The following FOXN3 variants were observed in gnomAD, a reference collection of about 807,000 sequenced individuals.
FOXN3 encodes forkhead box protein N3.
FOXN3 carries 7 observed loss-of-function variants against 38.4 expected under a neutral mutation model. The ratio of observed to expected loss-of-function variants is 0.18; its 90% CI spans 0.10 to 0.34. FOXN3 has a LOEUF of 0.34. Among genes scored for constraint, FOXN3 ranks in the 10% least tolerant of loss-of-function variants. The pLI, the probability that FOXN3 is intolerant of heterozygous loss-of-function variation, is 1.00. For missense variants in FOXN3, 456 were observed against 613.4 expected, an observed-to-expected ratio of 0.74 and a Z score of 2.71; for synonymous variants, 230 against 242.2, an observed-to-expected ratio of 0.95 and a Z score of 0.47.
At chr14:89,538,351 C>T (rs984086853) in intron 1 of FOXN3, among the ~76,000 whole-genome samples, 2 of 152,144 alleles carry the variant, frequency 1.3e-5, no homozygotes, top group Non-Finnish European at 2.9e-5. Context: ...GATCAAAAAA[C>T]GAAGGCCTCT....
chr14:89,347,831 A>G (rs1048430242), intron 3 of FOXN3, among the ~76,000 whole-genome samples: 3 of 152,160 alleles, frequency 2.0e-5, no homozygotes, highest in Admixed American at 6.5e-5. Context: ...GCCTGCCTGT[A>G]GTCCCAGCTA....
chr14:89,166,215 G>A (rs1421891997), intron 5 of FOXN3, among the ~76,000 whole-genome samples: 1 of 152,160 alleles, frequency 6.6e-6, no homozygotes, highest in Non-Finnish European at 1.5e-5. Flanking sequence ...TATCATAAGA[G>A]GAATGGTTTC....
intron 2 of FOXN3, among the ~76,000 whole-genome samples, chr14:89,377,180 G>C (rs543978605): frequency 6.6e-6 from 1 of 151,640 alleles, no homozygotes; most frequent in South Asian, 2.1e-4. Context: ...GGCCTTGACT[G>C]TCTCAGAAAA....
intron 2 of FOXN3, among the ~76,000 whole-genome samples, chr14:89,405,924 G>T (rs951715394): frequency 8.5e-5 from 13 of 152,124 alleles, no homozygotes; most frequent in Admixed American, 2.6e-4. Flanking sequence ...GCCAAGCATG[G>T]TGGCTCACAA....
intron 1 of FOXN3, among the ~76,000 whole-genome samples, chr14:89,466,450 T>C (rs1892977062): frequency 6.6e-6 from 1 of 152,220 alleles, no homozygotes; most frequent in Non-Finnish European, 1.5e-5. Flanking sequence ...TAAGGCCTCT[T>C]GACTGCTCAG....
At chr14:89,318,966 G>A (rs1042560867) in intron 3 of FOXN3, among the ~76,000 whole-genome samples, 1 of 152,264 alleles carries the variant, frequency 6.6e-6, no homozygotes, top group African/African-American at 2.4e-5. Context: ...ATTGCAGGGA[G>A]TGTGAAGATG....
intron 3 of FOXN3, among the ~76,000 whole-genome samples, chr14:89,325,474 TTTC>T (rs1038793765): frequency 3.3e-5 from 5 of 152,140 alleles, no homozygotes; most frequent in Admixed American, 3.3e-4. Flanking sequence ...ACTGGGGCCC[TTTC>T]TTCTTCTTCC....
chr14:89,409,354 G>T (rs868535908), intron 2 of FOXN3: 4 of 147,590 alleles, frequency 2.7e-5, no homozygotes, highest in African/African-American at 9.9e-5. Context: ...GTGGGGGACG[G>T]GGGGGTCGCA....
At chr14:89,287,492 A>C (rs551545094) in intron 3 of FOXN3, among the ~76,000 whole-genome samples, 1 of 152,172 alleles carries the variant, frequency 6.6e-6, no homozygotes, top group South Asian at 2.1e-4. Flanking sequence ...TTCAGAGTTA[A>C]CTGACACACT....
At chr14:89,529,481 G>T (rs777259243) in intron 1 of FOXN3, among the ~76,000 whole-genome samples, 1 of 152,024 alleles carries the variant, frequency 6.6e-6, no homozygotes, top group African/African-American at 2.4e-5. Flanking sequence ...CTCCCCACTC[G>T]TCTTTTCTTT....
chr14:89,455,338 C>T (rs1276246540), intron 1 of FOXN3, among the ~76,000 whole-genome samples: 1 of 152,236 alleles, frequency 6.6e-6, no homozygotes, highest in Non-Finnish European at 1.5e-5. Flanking sequence ...CAAGGGAAAA[C>T]CGTCAAAGGG....
intron 2 of FOXN3, among the ~76,000 whole-genome samples, chr14:89,411,460 G>A (rs1011312178): frequency 2.6e-5 from 4 of 152,100 alleles, no homozygotes; most frequent in African/African-American, 9.7e-5. Context: ...GTTCATCACT[G>A]TCCACTTATG....
chr14:89,316,632 A>T (rs1168929050), intron 3 of FOXN3, among the ~76,000 whole-genome samples: 4 of 149,614 alleles, frequency 2.7e-5, no homozygotes, highest in African/African-American at 9.9e-5. Flanking sequence ...AAGTGCTGGG[A>T]TTACAGGCAT....
chr14:89,506,177 T>C (rs76922935), intron 1 of FOXN3, among the ~76,000 whole-genome samples: 13 of 30,944 alleles, frequency 4.2e-4, no homozygotes, highest in Non-Finnish European at 1.2e-3. Flanking sequence ...CCCGGCCAGC[T>C]GCCCCGTCCG....
chr14:89,305,330 G>T (rs549356797), intron 3 of FOXN3, among the ~76,000 whole-genome samples: 1 of 152,294 alleles, frequency 6.6e-6, no homozygotes, highest in African/African-American at 2.4e-5. Context: ...CATCTTAAGA[G>T]CCCTTGAGAA....
At chr14:89,540,642 G>A (rs1894774913) in intron 1 of FOXN3, among the ~76,000 whole-genome samples, 1 of 151,940 alleles carries the variant, frequency 6.6e-6, no homozygotes, top group African/African-American at 2.4e-5. Context: ...GGGAGGCTGA[G>A]GCAGGAGACT....
chr14:89,478,286 C>T (rs933801173), intron 1 of FOXN3, among the ~76,000 whole-genome samples: 1 of 152,168 alleles, frequency 6.6e-6, no homozygotes, highest in African/African-American at 2.4e-5. Flanking sequence ...ACTATGCTTC[C>T]TGTACAGCCT....
chr14:89,477,353 C>A (rs1189113134), intron 1 of FOXN3, among the ~76,000 whole-genome samples: 1 of 152,208 alleles, frequency 6.6e-6, no homozygotes, highest in Non-Finnish European at 1.5e-5. Context: ...ATCTTCCTAT[C>A]TTCCTTCAGA....
At chr14:89,326,636 AAAAG>A (rs1227225785) in intron 3 of FOXN3, among the ~76,000 whole-genome samples, 1 of 152,218 alleles carries the variant, frequency 6.6e-6, no homozygotes, top group African/African-American at 2.4e-5. Context: ...TAATTAATTG[AAAAG>A]AAAGAGTCTA....
Sources: gnomAD v4.1 joint callset for allele counts (sites outside exome capture counted in the v4.1 genomes callset) on GRCh38, gnomAD v4.1.1 for gene constraint, MANE v1.5 for transcripts, NCBI Gene and HGNC (gene_info 2026-07-23, HGNC 2026-07-21) for gene names.